The following PLG variants were observed in gnomAD, a reference collection of about 807,000 sequenced individuals.
The protein encoded by PLG is plasmin.
Under a neutral mutation model 104.4 loss-of-function variants are expected in PLG, and 41 were observed. The ratio of observed to expected loss-of-function variants is 0.39; its 90% CI spans 0.31 to 0.51. PLG has a LOEUF of 0.51. Ranked by LOEUF, PLG falls within the 20% of genes least tolerant of loss-of-function variation. The pLI is 0.76. For synonymous variants in PLG, 337 were observed against 357.1 expected, an observed-to-expected ratio of 0.94 and a Z score of 0.63; for missense variants, 891 against 1,003.6, an observed-to-expected ratio of 0.89 and a Z score of 1.52.
In PLG at chr6:160,738,125, T is replaced by A. The variant is rs192359456; in HGVS notation, c.1803-413T>A. Among the ~76,000 whole-genome samples, 3 of 152,362 alleles carry A rather than the reference T, an allele frequency of 2.0e-5. No homozygotes were observed. Among genetic ancestry groups the A allele is most frequent in the Admixed American group, 2.0e-4 (3 of 15,308 alleles). ...AGTCACTGCTGCTCAGGATCACATC[T>A]GGCTCCTTGAAGAGTGATTCATCAG... is the stretch of plus-strand genomic sequence containing the variant. On this transcript the variant is annotated intron_variant, in intron 14 of 18. Transcript: ENST00000308192. The surrounding 1 kb of genome is among the most constrained non-coding windows in gnomAD (Gnocchi z 6.8).
chr6:160,706,951 T>TAAAAAAA (rs370504830), intron 2 of PLG, among the ~76,000 whole-genome samples: 15 of 142,392 alleles, frequency 1.1e-4, no homozygotes, highest in African/African-American at 3.1e-4. Context: ...GATATAATGT[T>TAAAAAAA]AAAAAAAAAA....
In PLG at chr6:160,742,144, T is replaced by G. The variant is rs531025124; in HGVS notation, c.2125+727T>G. Reference sequence around the variant, plus strand: ...CATTCATGTGCATGTGTCTTTAGGGTAGAATGATTTATATTCCTCTAGGTA... The same window carrying G: ...CATTCATGTGCATGTGTCTTTAGGGGAGAATGATTTATATTCCTCTAGGTA... On this transcript the variant is annotated intron_variant, in intron 17 of 18. Coordinates refer to ENST00000308192, the MANE Select transcript of PLG (RefSeq NM_000301.5). 6.6e-5 allele frequency among the ~76,000 whole-genome samples: 10 copies of G among 152,344 alleles called. No homozygotes were observed. The South Asian group carries it at 2.1e-3, about 32-fold the overall frequency.
chr6:160,727,832 T>C (rs951580359), intron 10 of PLG, among the ~76,000 whole-genome samples: 8 of 151,900 alleles, frequency 5.3e-5, no homozygotes, highest in African/African-American at 1.9e-4. Flanking sequence ...AACTTAATGG[T>C]GAAAGATTAA....
chr6:160,718,430 C>A lies in PLG; in HGVS notation c.924C>A (p.Asn308Lys). 6.2e-7 allele frequency: 1 copy of A among 1,613,758 alleles called. No homozygotes were observed. The change falls in exon 8 of 19, where the codon AAC (asparagine) becomes AAA (lysine). Residue 308 changes from asparagine to lysine, a missense_variant. Asn to Lys is a moderately conservative substitution (Grantham distance 94). Coordinates refer to ENST00000308192, the MANE Select transcript of PLG (RefSeq NM_000301.5). ...HWSAQTPHTHNRTPENFPCKN... is the reference protein window; with the variant it reads ...HWSAQTPHTHKRTPENFPCKN... ...GTGCACAGACCCCTCACACACATAA[C>A]AGGACACCAGAAAACTTCCCCTGCA... is the stretch of plus-strand genomic sequence containing the variant.
chr6:160,713,520 C>T (rs1777680826), intron 5 of PLG: 1 of 242,036 alleles, frequency 4.1e-6, no homozygotes, highest in Non-Finnish European at 8.3e-6. Flanking sequence ...CCGCCTGCCT[C>T]AGCCTCTCAA....
At chr6:160,711,595 T>A in intron 4 of PLG, 2 of 1,610,028 alleles carry the variant, frequency 1.2e-6, no homozygotes, top group Admixed American at 3.3e-5. Flanking sequence ...AGAAAGAATC[T>A]TTTTGATGTC....
intron 17 of PLG, among the ~76,000 whole-genome samples, chr6:160,746,706 C>T (rs1449245069): frequency 6.6e-6 from 1 of 152,184 alleles, no homozygotes. Flanking sequence ...ACATATGGCA[C>T]TCCGGCCTTT....
chr6:160,708,846 T>C (rs1777581686), intron 3 of PLG, among the ~76,000 whole-genome samples: 1 of 152,180 alleles, frequency 6.6e-6, no homozygotes, highest in South Asian at 2.1e-4. Flanking sequence ...CTTACCACTA[T>C]TTATCTCGAA....
intron 17 of PLG, among the ~76,000 whole-genome samples, chr6:160,750,052 C>T (rs897541760): frequency 1.3e-5 from 2 of 152,212 alleles, no homozygotes; most frequent in African/African-American, 2.4e-5. Context: ...CAGGCCTGCT[C>T]CTCAATTTTC....
chr6:160,718,651 T>G, intron 8 of PLG, 42 bp from the exon 9 acceptor site: 1 of 1,609,416 alleles, frequency 6.2e-7, no homozygotes, highest in Non-Finnish European at 8.5e-7. Flanking sequence ...CCTAGACTTT[T>G]TTCTTTTTGG....
At chr6:160,743,722 A>C (rs1451517583) in intron 17 of PLG, among the ~76,000 whole-genome samples, 6 of 152,116 alleles carry the variant, frequency 3.9e-5, no homozygotes, top group Non-Finnish European at 8.8e-5. Context: ...GAAAGAGGGC[A>C]TCCTTATCTT....
intron 17 of PLG, among the ~76,000 whole-genome samples, chr6:160,750,036 A>T (rs1016699281): frequency 6.6e-6 from 1 of 152,226 alleles, no homozygotes; most frequent in Non-Finnish European, 1.5e-5. Context: ...GTCACAAAAC[A>T]TAACTCAGGC....
chr6:160,716,894 C>T, intron 7 of PLG, 131 bp downstream of exon 7: 1 of 737,902 alleles, frequency 1.4e-6, no homozygotes, highest in South Asian at 1.4e-5. Context: ...TGTTATTGGT[C>T]TTTATTTTAT....
At position 160,739,474 on chromosome 6, in the gene PLG, G is replaced by T. The variant is rs1003196320; in HGVS notation, c.2018+266G>T. On this transcript the variant is annotated intron_variant, in intron 16 of 18. Transcript: ENST00000308192. This position sits in a 1 kb window ranked among gnomAD's most constrained non-coding sequence, Gnocchi z 4.4. The stretch of plus-strand genomic sequence containing the variant: ...CTGTTACTCCTAGAACTCACTTAAT[G>T]TTCACCAGTTCATACACATTCATGA... Among the ~76,000 whole-genome samples, 3 of 152,162 alleles carry T rather than the reference G, an allele frequency of 2.0e-5. No individual in the cohort carries two copies. Among genetic ancestry groups the T allele is most frequent in the African/African-American group, 7.2e-5 (3 of 41,440 alleles).
At chr6:160,705,813 A>G (rs1477889685) in intron 1 of PLG, 5 of 153,002 alleles carry the variant, frequency 3.3e-5, no homozygotes, top group African/African-American at 1.2e-4. Context: ...CAATCTTGGT[A>G]ACACAACTGC....
Position 160,706,971 on chromosome 6 carries a change from C to T in PLG, c.185+429C>T, listed in dbSNP as rs558325917. ...AATGTTAAAAAAAAAAAAAAGACAG[C>T]CCAAGTGAGGTACAGGCATAATCAA... On this transcript the variant is annotated intron_variant, in intron 2 of 18. Coordinates refer to ENST00000308192, the MANE Select transcript of PLG (RefSeq NM_000301.5). Among the ~76,000 whole-genome samples the T allele has an allele frequency of 1.9e-4, 29 of 148,780 alleles. No homozygotes were observed. The South Asian group carries it at 4.8e-3, about 25-fold the overall frequency.
intron 4 of PLG, 78 bp downstream of exon 4, chr6:160,711,269 A>G: frequency 7.4e-7 from 1 of 1,343,252 alleles, no homozygotes; most frequent in African/African-American, 1.5e-5. Flanking sequence ...TGGTTCCAGG[A>G]CCCCTGTGGC....
In PLG at chr6:160,734,508, C is replaced by G. The variant is rs1438995530; in HGVS notation, c.1681+420C>G. ...GTAAGCATGTAACGCACATTGTAAA[C>G]CTCAGATGGCCATCCTAGGAATTCA... On this transcript the variant is annotated intron_variant, in intron 13 of 18. Coordinates refer to ENST00000308192, the MANE Select transcript of PLG (RefSeq NM_000301.5). The surrounding 1 kb of genome is among the most constrained non-coding windows in gnomAD (Gnocchi z 4.4). 1.3e-5 allele frequency among the ~76,000 whole-genome samples: 2 copies of G among 152,060 alleles called. No individual in the cohort carries two copies. Among genetic ancestry groups the G allele is most frequent in the African/African-American group, 2.4e-5 (1 of 41,380 alleles).
chr6:160,731,663 G>T lies in PLG; in HGVS notation c.1439-82G>T. 2.2e-6 allele frequency: 3 copies of T among 1,380,326 alleles called. No individual in the cohort carries two copies. The highest frequency in any genetic ancestry group is 2.3e-5 in the East Asian group (1 of 43,796). The allele number at this position is 1,380,326 out of a possible 1,614,324, so 85.5% of individuals were successfully genotyped here. A position where few individuals can be genotyped will look rare whatever the true frequency, so the allele number is the denominator to read the frequency against. ...TGGCCCCTGATTCTGTCATCCTAGA[G>T]AAACCTGACATGACTGTATTGATTC... is the stretch of plus-strand genomic sequence containing the variant. On this transcript the variant is annotated intron_variant, in intron 11 of 18. Coordinates refer to ENST00000308192, the MANE Select transcript of PLG (RefSeq NM_000301.5). The surrounding 1 kb of genome is among the most constrained non-coding windows in gnomAD (Gnocchi z 5.1).
Sources: allele counts gnomAD v4.1 joint callset (sites outside exome capture counted in the v4.1 genomes callset), GRCh38; gene constraint gnomAD v4.1.1; non-coding constraint Gnocchi (gnomAD v3.1); transcripts MANE v1.5; gene names NCBI Gene and HGNC (gene_info 2026-07-23, HGNC 2026-07-21).